PPP1R21: variants seen among roughly 807,000 people sequenced by gnomAD.
The protein encoded by PPP1R21 is protein phosphatase 1 regulatory subunit 21.
In PPP1R21, 85 loss-of-function variants were observed where a neutral mutation model predicts 112.8. The observed-to-expected ratio is 0.75, with a 90% CI of 0.63 to 0.90. PPP1R21 has a LOEUF of 0.90. PPP1R21 is among the 40% of genes least tolerant of loss of function. The probability of loss-of-function intolerance (pLI) is 0.00; values close to 1 mark genes in which losing one functional copy is unlikely to be tolerated. For synonymous variants in PPP1R21, 381 were observed against 322.3 expected (o/e 1.18, Z -1.95); for missense variants, 1,199 against 901.5 (o/e 1.33, Z -4.23).
chr2:48,496,126 G>A (rs565403025), intron 16 of PPP1R21, among the ~76,000 whole-genome samples: 2 of 152,194 alleles, frequency 1.3e-5, no homozygotes, highest in South Asian at 4.1e-4. Flanking sequence ...TCTTAAAGGA[G>A]CAAGAATGAA....
rs1667962824 is a variant in PPP1R21, at chr2:48,461,223, A to G, written c.685A>G (p.Asn229Asp). 6.3e-7 allele frequency: 1 copy of G among 1,578,220 alleles called. No individual in the cohort carries two copies. ...AATCATCAATGAAAAAGTACCTTTT[A>G]ATGATACAAGTAGGTATTATGTACA... ...LSIINEKVPF[N>D]DTKYSQYNAL... The change falls in exon 7 of 22, where the codon AAT becomes GAT. Residue 229 changes from asparagine to aspartate, a missense_variant. Transcript: ENST00000294952.
In PPP1R21 at chr2:48,458,467, A is replaced by T. The variant is rs531234818; in HGVS notation, c.375+240A>T. 1.8e-4 allele frequency among the ~76,000 whole-genome samples: 28 copies of T among 152,362 alleles called. No homozygotes were observed. The South Asian group carries it at 2.9e-3, about 16-fold the overall frequency. ...AGACAGCAGAATAGCTTTATAACTT[A>T]ACAGTGCAGAAATATACTGAGCATT... On this transcript the variant is annotated intron_variant, in intron 4 of 21. Transcript: ENST00000294952.
chr2:48,442,180 A>C (rs777362921), intron 1 of PPP1R21, among the ~76,000 whole-genome samples: 5 of 152,232 alleles, frequency 3.3e-5, no homozygotes, highest in Non-Finnish European at 5.9e-5. Flanking sequence ...TTGAAGGGCC[A>C]GAAGTTGTTT....
rs1193606607 is a variant in PPP1R21, at chr2:48,469,441, T to G, written c.898-1646T>G. Among the ~76,000 whole-genome samples, 298 of 92,500 alleles carry G rather than the reference T, an allele frequency of 3.2e-3. 38 individuals carry two copies. The highest frequency in any genetic ancestry group is 8.7e-3 in the African/African-American group (233 of 26,838). The allele number at this position is 92,500 out of a possible 152,430, so 60.7% of individuals were successfully genotyped here. A position where few individuals can be genotyped will look rare whatever the true frequency, so the allele number is the denominator to read the frequency against. On this transcript the variant is annotated intron_variant, in intron 9 of 21. Transcript: ENST00000294952. The stretch of plus-strand genomic sequence containing the variant: ...CATATATATATAGAGCATATATATA[T>G]ATAGAGAGAGCATATATATATATAG...
At chr2:48,448,200 G>A (rs534464834) in intron 1 of PPP1R21, among the ~76,000 whole-genome samples, 1 of 152,202 alleles carries the variant, frequency 6.6e-6, no homozygotes, top group South Asian at 2.1e-4. Context: ...TTAAAAAGCT[G>A]CATTGTCTGT....
chr2:48,504,916 C>T (rs1355542217), intron 17 of PPP1R21, among the ~76,000 whole-genome samples: 2 of 151,978 alleles, frequency 1.3e-5, no homozygotes, highest in East Asian at 3.9e-4. Flanking sequence ...ATCTCTTGAG[C>T]CCAGGAATTT....
chr2:48,498,851 T>G, intron 17 of PPP1R21, 116 bp downstream of exon 17: 1 of 1,042,306 alleles, frequency 9.6e-7, no homozygotes, highest in Non-Finnish European at 1.4e-6. Context: ...CAAAATACCA[T>G]AAGCTGAGCA....
chr2:48,441,718 A>T lies in PPP1R21; in HGVS notation c.57+708A>T, dbSNP rs142525795. 5.7e-3 allele frequency among the ~76,000 whole-genome samples: 870 copies of T among 152,242 alleles called. 10 individuals carry two copies. Among genetic ancestry groups the T allele is most frequent in the African/African-American group, 0.019 (806 of 41,530 alleles). On this transcript the variant is annotated intron_variant, in intron 1 of 21. Transcript: ENST00000294952. ...TGGCATCAGTCTTTTAAATGATATA[A>T]CCCTTTCCTTGGAAAAGGATGCTGC... is the stretch of plus-strand genomic sequence containing the variant.
Position 48,451,184 on chromosome 2 carries a change from A to G in PPP1R21, c.126+108A>G, listed in dbSNP as rs945321406. On this transcript the variant is annotated intron_variant, in intron 2 of 21. Transcript: ENST00000294952. ...AAAGTTCCAACTCTGACACTGATTC[A>G]CTAGGGATAGGGGACAGTAATACAG... The G allele has an allele frequency of 3.6e-5, 30 of 837,252 alleles. No individual in the cohort carries two copies. The Admixed American group carries it at 5.2e-4, about 15-fold the overall frequency. The allele number at this position is 837,252 out of a possible 1,614,324, so 51.9% of individuals were successfully genotyped here. A position where few individuals can be genotyped will look rare whatever the true frequency, so the allele number is the denominator to read the frequency against.
intron 15 of PPP1R21, among the ~76,000 whole-genome samples, chr2:48,491,469 A>G (rs1055753408): frequency 6.6e-5 from 10 of 152,080 alleles, no homozygotes; most frequent in African/African-American, 2.4e-4. Context: ...AGAGACTCTT[A>G]AACTTGTAGA....
chr2:48,444,246 C>G (rs1338795983), intron 1 of PPP1R21, among the ~76,000 whole-genome samples: 1 of 152,088 alleles, frequency 6.6e-6, no homozygotes, highest in African/African-American at 2.4e-5. Flanking sequence ...ATTTGAGGTT[C>G]TTAATATTTC....
chr2:48,515,029 G>A lies in PPP1R21; in HGVS notation c.*285G>A, dbSNP rs112201723. 352 of 373,984 alleles carry A rather than the reference G, an allele frequency of 9.4e-4. No homozygotes were observed. The highest frequency in any genetic ancestry group is 5.4e-4 in the Non-Finnish European group (114 of 211,388). 23.2% of individuals were successfully genotyped at this position (373,984 alleles called of 1,614,324 possible). A position where few individuals can be genotyped will look rare whatever the true frequency, so the allele number is the denominator to read the frequency against. On this transcript the variant is annotated 3_prime_UTR_variant, in exon 22 of 22. Transcript: ENST00000294952. The stretch of plus-strand genomic sequence containing the variant: ...TTTACTGTGCACTTTTTAAAATTAG[G>A]TTTTAATTTCAGTATGTAAGAACAA...
chr2:48,512,141 A>G (rs1425250836), intron 21 of PPP1R21, among the ~76,000 whole-genome samples: 2 of 152,184 alleles, frequency 1.3e-5, no homozygotes, highest in African/African-American at 4.8e-5. Context: ...ATGTTAGAAA[A>G]TTTATTCTCA....
intron 3 of PPP1R21, chr2:48,457,873 G>C (rs1445072763): frequency 1.3e-5 from 5 of 385,924 alleles, no homozygotes; most frequent in Non-Finnish European, 2.6e-5. Context: ...GAATTCATCT[G>C]CAAAGAATAG....
intron 15 of PPP1R21, among the ~76,000 whole-genome samples, chr2:48,495,273 T>C (rs563132802): frequency 6.6e-6 from 1 of 152,226 alleles, no homozygotes; most frequent in African/African-American, 2.4e-5. Flanking sequence ...GCACAATCTC[T>C]GCTCACTGCA....
At chr2:48,458,046 G>C in intron 3 of PPP1R21, 80 bp from the exon 4 acceptor site, 1 of 906,216 alleles carries the variant, frequency 1.1e-6, no homozygotes, top group Non-Finnish European at 1.8e-6. Flanking sequence ...AAGCTTCTAA[G>C]ATGATAGAGA....
In PPP1R21 at chr2:48,488,399, C is replaced by G. The variant is rs947653765; in HGVS notation, c.1446+1641C>G. On this transcript the variant is annotated intron_variant, in intron 14 of 21. Coordinates refer to ENST00000294952, the MANE Select transcript of PPP1R21 (RefSeq NM_001135629.3). ...TTTTTTTTTTTGAGACGGAGTCTTG[C>G]TCTGTTGCCCAGGTTGGAGTGTAGT... 2.6e-4 allele frequency among the ~76,000 whole-genome samples: 38 copies of G among 148,556 alleles called. No individual in the cohort carries two copies. In the Admixed American group the frequency reaches 2.6e-3, roughly 10 times the overall value.
At chr2:48,474,071 A>AT (rs1194520401) in intron 11 of PPP1R21, among the ~76,000 whole-genome samples, 1 of 152,130 alleles carries the variant, frequency 6.6e-6, no homozygotes, top group Admixed American at 6.5e-5. Flanking sequence ...TATTTTAATG[A>AT]TTTTTAACAT....
chr2:48,474,874 CT>C, intron 12 of PPP1R21, 55 bp downstream of exon 12: 1 of 1,507,176 alleles, frequency 6.6e-7, no homozygotes, highest in Non-Finnish European at 9.1e-7. Context: ...GTACAAGAAG[CT>C]GGAAAAGGGA....
Sources: allele counts gnomAD v4.1 joint callset (sites outside exome capture counted in the v4.1 genomes callset), GRCh38; gene constraint gnomAD v4.1.1; transcripts MANE v1.5; gene names NCBI Gene and HGNC (gene_info 2026-07-23, HGNC 2026-07-21).